The following RALGDS variants were observed in gnomAD, a reference collection of about 807,000 sequenced individuals.
The protein encoded by RALGDS is ral guanine nucleotide exchange factor.
Under a neutral mutation model 99.8 loss-of-function variants are expected in RALGDS, and 44 were observed. That is an observed-to-expected ratio of 0.44 (90% CI 0.35 to 0.57). The LOEUF is 0.57. RALGDS is among the 20% of genes least tolerant of loss of function. RALGDS has a pLI of 0.01. For missense variants in RALGDS, 1,022 were observed against 1,203.1 expected, an observed-to-expected ratio of 0.85 and a Z score of 2.23; for synonymous variants, 529 against 505.0, an observed-to-expected ratio of 1.05 and a Z score of -0.64.
chr9:133,106,600 G>T, intron 8 of RALGDS, 45 bp downstream of exon 8: 2 of 1,425,768 alleles, frequency 1.4e-6, no homozygotes, highest in South Asian at 1.2e-5. Context: ...CCAGCCCTGT[G>T]GGAGGTCCCT....
intron 17 of RALGDS, 69 bp from the exon 18 acceptor site, chr9:133,098,831 G>C: frequency 6.7e-7 from 1 of 1,502,108 alleles, no homozygotes; most frequent in Admixed American, 1.7e-5. Context: ...CCTACCGCTT[G>C]AGAGCCCATA....
In RALGDS at chr9:133,108,205, G is replaced by A. The variant is rs151046197; in HGVS notation, c.980C>T (p.Ser327Leu). The A allele has an allele frequency of 9.3e-6, 15 of 1,612,462 alleles. No homozygotes were observed. The highest frequency in any genetic ancestry group is 6.7e-5 in the African/African-American group (5 of 74,398). Residue 327 changes from serine to leucine, a missense_variant, in exon 6 of 18, where the codon TCG becomes TTG. This residue lies in a region of RALGDS where 825 missense variants were observed against 994.5 expected (regional missense o/e 0.83). Coordinates refer to ENST00000372050, the MANE Select transcript of RALGDS (RefSeq NM_006266.4). Reference protein sequence around the residue: ...QAPEPAVGLESAPAPALELEP... With the variant: ...QAPEPAVGLELAPAPALELEP... The stretch of plus-strand genomic sequence containing the variant: ...TAGTTCCAGAGCTGGCGCTGGAGCC[G>A]ATTCTAGTCCCACAGCTGGCTCTGG...
chr9:133,110,229 C>T lies in RALGDS; in HGVS notation c.488+67G>A, dbSNP rs1029660782. On this transcript the variant is annotated intron_variant, in intron 3 of 17. Transcript: ENST00000372050. ...AGAGGTGAATCAGCATTGCCAAGACCCGCAGCCAGGTGGGGGTGGGGGCGA... is the reference window on the plus strand; with the variant it reads ...AGAGGTGAATCAGCATTGCCAAGACTCGCAGCCAGGTGGGGGTGGGGGCGA... 23 of 1,502,746 alleles carry T rather than the reference C, an allele frequency of 1.5e-5. No individual in the cohort carries two copies. In the South Asian group the frequency reaches 2.4e-4, roughly 16 times the overall value. The allele number at this position is 1,502,746 out of a possible 1,614,324, so 93.1% of individuals were successfully genotyped here.
upstream of RALGDS, among the ~76,000 whole-genome samples, chr9:133,123,969 C>T (rs1284501543): frequency 2.2e-5 from 3 of 138,600 alleles, no homozygotes; most frequent in African/African-American, 7.9e-5. Context: ...GAGACACACA[C>T]ATAGAGACAG....
intron 17 of RALGDS, chr9:133,099,554 T>C (rs1000085967): frequency 1.3e-5 from 2 of 153,046 alleles, no homozygotes; most frequent in Non-Finnish European, 2.9e-5. Flanking sequence ...ATGGTGCACA[T>C]AGATGCTTTA....
At chr9:133,129,389 G>A in intron 1 of RALGDS, 1 of 1,458,460 alleles carries the variant, frequency 6.9e-7, no homozygotes, top group Non-Finnish European at 9.0e-7. Context: ...TCGCCTGCGT[G>A]CCCTAGTGGA....
chr9:133,117,350 T>C (rs1003723857), intron 1 of RALGDS, among the ~76,000 whole-genome samples: 8 of 152,194 alleles, frequency 5.3e-5, no homozygotes, highest in African/African-American at 1.2e-4. Context: ...CATCCCAGCA[T>C]AGCTCTCTTC....
chr9:133,100,473 C>G, intron 16 of RALGDS, 91 bp from the exon 17 acceptor site: 2 of 1,603,816 alleles, frequency 1.2e-6, no homozygotes, highest in Non-Finnish European at 1.7e-6. Flanking sequence ...GGAGTCCCCT[C>G]AGCACCAAGC....
At chr9:133,134,970 A>G (rs1401312784), upstream of RALGDS, among the ~76,000 whole-genome samples, 1 of 152,144 alleles carries the variant, frequency 6.6e-6, no homozygotes, top group East Asian at 1.9e-4. Flanking sequence ...CCTTCCTGCA[A>G]ACTCCTAGCA....
intron 8 of RALGDS, 110 bp downstream of exon 8, chr9:133,106,535 A>C: frequency 1.2e-6 from 1 of 808,622 alleles, no homozygotes; most frequent in Admixed American, 2.1e-5. Flanking sequence ...AGGTCAGTGA[A>C]GGGTCCCTGC....
chr9:133,139,686 G>A (rs1258070535), intron 1 of RALGDS, among the ~76,000 whole-genome samples: 4 of 152,192 alleles, frequency 2.6e-5, no homozygotes, highest in Non-Finnish European at 2.9e-5. Context: ...ATTCAACTTA[G>A]GGCCTGCAAG....
At chr9:133,098,995 C>A (rs563728208) in intron 17 of RALGDS, 1 of 528,346 alleles carries the variant, frequency 1.9e-6, no homozygotes, top group Non-Finnish European at 3.4e-6. Context: ...GACTCCAGAA[C>A]CCCCCGGCTT....
chr9:133,122,931 T>A (rs931650976), upstream of RALGDS, among the ~76,000 whole-genome samples: 2 of 152,230 alleles, frequency 1.3e-5, no homozygotes, highest in African/African-American at 4.8e-5. Flanking sequence ...CTTGAACTCC[T>A]GACCTCAAGT....
At chr9:133,114,071 G>A (rs1187237083) in intron 1 of RALGDS, among the ~76,000 whole-genome samples, 1 of 152,210 alleles carries the variant, frequency 6.6e-6, no homozygotes, top group Non-Finnish European at 1.5e-5. Context: ...TCCTCCGTGA[G>A]CTGGCAGGCC....
chr9:133,104,189 G>T, intron 10 of RALGDS, 74 bp downstream of exon 10: 1 of 1,469,654 alleles, frequency 6.8e-7, no homozygotes, highest in Non-Finnish European at 9.5e-7. Context: ...AGGCACCGTG[G>T]CTAGAGAGGA....
At chr9:133,110,595 T>C (rs182310948) in intron 2 of RALGDS, 106 bp from the exon 3 acceptor site, 90 of 946,048 alleles carry the variant, frequency 9.5e-5, no homozygotes, top group East Asian at 8.0e-4. Context: ...GAGGCAGGAC[T>C]GAGTATCTCT....
intron 10 of RALGDS, 147 bp downstream of exon 10, chr9:133,104,116 T>C: frequency 1.1e-6 from 1 of 897,984 alleles, no homozygotes; most frequent in Non-Finnish European, 1.7e-6. Context: ...TCTTCCCAGA[T>C]ACCAGCTGAT....
chr9:133,133,171 C>T (rs1461133326), upstream of RALGDS, among the ~76,000 whole-genome samples: 1 of 152,270 alleles, frequency 6.6e-6, no homozygotes, highest in Non-Finnish European at 1.5e-5. Context: ...CCTGCCCCCA[C>T]CTCCAGCACA....
At chr9:133,121,244 A>T, upstream of RALGDS, 1 of 979,804 alleles carries the variant, frequency 1.0e-6, no homozygotes. Flanking sequence ...CACCGCTGTG[A>T]GCCCGCGGCC....
Sources: gnomAD v4.1 joint callset for allele counts (sites outside exome capture counted in the v4.1 genomes callset) on GRCh38, gnomAD v4.1.1 for gene constraint, gnomAD v4.1.1 regional missense constraint, MANE v1.5 for transcripts, NCBI Gene and HGNC (gene_info 2026-07-23, HGNC 2026-07-21) for gene names.